PCDH15: variants seen among roughly 807,000 people sequenced by gnomAD.
PCDH15 encodes the protein protocadherin related 15, also known as protocadherin-15.
PCDH15 carries 129 observed loss-of-function variants against 178.5 expected under a neutral mutation model. The observed-to-expected ratio is 0.72, with a 90% confidence interval of 0.63 to 0.84. PCDH15 has a LOEUF of 0.84. Among genes scored for constraint, PCDH15 ranks in the 40% least tolerant of loss-of-function variants. The pLI, the probability that PCDH15 is intolerant of heterozygous loss-of-function variation, is 0.00. For missense variants in PCDH15, 2,230 were observed against 2,099.9 expected, an observed-to-expected ratio of 1.06 and a Z score of -1.21; for synonymous variants, 800 against 732.0, an observed-to-expected ratio of 1.09 and a Z score of -1.50.
At chr10:54,014,592 C>T (rs2135207038) in intron 20 of PCDH15, among the ~76,000 whole-genome samples, 1 of 152,194 alleles carries the variant, frequency 6.6e-6, no homozygotes, top group Non-Finnish European at 1.5e-5. Flanking sequence ...GCCTGGGATG[C>T]AAGGTTGGTT....
chr10:53,829,216 C>A (rs369477923), intron 30 of PCDH15, among the ~76,000 whole-genome samples: 2 of 152,086 alleles, frequency 1.3e-5, no homozygotes, highest in Admixed American at 1.3e-4. Flanking sequence ...GAGAAAAACT[C>A]ATTTTGTTTA....
Position 54,219,104 on chromosome 10 carries a change from A to AAC in PCDH15, c.986-5057_986-5056insGT, listed in dbSNP as rs1564710634. 2.9e-3 allele frequency among the ~76,000 whole-genome samples: 394 copies of AAC among 136,608 alleles called. 6 individuals are homozygous for AAC. Among genetic ancestry groups the AAC allele is most frequent in the African/African-American group, 0.01 (351 of 33,810 alleles). The allele number at this position is 136,608 out of a possible 152,430, so 89.6% of individuals were successfully genotyped here. On this transcript the variant is annotated intron_variant, in intron 9 of 37. Coordinates refer to ENST00000644397, the MANE Select transcript of PCDH15 (RefSeq NM_001384140.1). Reference sequence around the variant, plus strand: ...CTGTCTCTACTAAAAAAAAAAAAAAAAAACAAAAAAAAAACAAAAAATTAG... The same window carrying AAC: ...CTGTCTCTACTAAAAAAAAAAAAAAAACAAACAAAAAAAAAACAAAAAATTAG...
intron 2 of PCDH15, among the ~76,000 whole-genome samples, chr10:54,534,107 C>G (rs1305032952): frequency 6.6e-6 from 1 of 151,986 alleles, no homozygotes. Flanking sequence ...AATGTATAGA[C>G]AGACTAGGCC....
At chr10:55,492,341 C>T (rs1271728146) in intron 2 of PCDH15, among the ~76,000 whole-genome samples, 2 of 151,784 alleles carry the variant, frequency 1.3e-5, no homozygotes, top group African/African-American at 2.4e-5. Flanking sequence ...GGGATTTGGG[C>T]ACAATATTTG....
chr10:55,134,075 T>A (rs549025416), intron 2 of PCDH15, among the ~76,000 whole-genome samples: 2 of 152,290 alleles, frequency 1.3e-5, no homozygotes, highest in African/African-American at 4.8e-5. Context: ...TTCTTAAGAA[T>A]AAAAGCCAAA....
intron 2 of PCDH15, among the ~76,000 whole-genome samples, chr10:55,516,222 G>A (rs915081102): frequency 6.6e-6 from 1 of 151,892 alleles, no homozygotes; most frequent in Non-Finnish European, 1.5e-5. Flanking sequence ...TCATGACACT[G>A]AAAAAAATCT....
At chr10:54,084,840 A>G (rs1441826765) in intron 16 of PCDH15, among the ~76,000 whole-genome samples, 1 of 152,168 alleles carries the variant, frequency 6.6e-6, no homozygotes, top group Non-Finnish European at 1.5e-5. Flanking sequence ...TTACACTTGG[A>G]GGTGTCTGAG....
At chr10:54,437,754 A>G (rs1264176887) in intron 3 of PCDH15, among the ~76,000 whole-genome samples, 2 of 152,200 alleles carry the variant, frequency 1.3e-5, no homozygotes, top group Non-Finnish European at 1.5e-5. Flanking sequence ...CACTGCTTGA[A>G]TATGCAATAT....
rs552136015 is a variant in PCDH15, at chr10:53,852,638, C to T, written c.3806+4537G>A. ...TGTACTGATCTTTGTAAAATCTGCT[C>T]CATTGTAAAATGGATATGTCAGGTC... On this transcript the variant is annotated intron_variant, in intron 28 of 37. Transcript: ENST00000644397. 3.0e-4 allele frequency among the ~76,000 whole-genome samples: 46 copies of T among 152,126 alleles called. No individual in the cohort carries two copies. The South Asian group carries it at 9.5e-3, about 32-fold the overall frequency.
intron 8 of PCDH15, among the ~76,000 whole-genome samples, chr10:54,262,391 G>A (rs952591343): frequency 1.3e-5 from 2 of 152,090 alleles, no homozygotes; most frequent in Non-Finnish European, 2.9e-5. Context: ...GCCTGTCAAC[G>A]CCTTCCCAGA....
At chr10:54,885,454 T>C (rs1954340302) in intron 3 of PCDH15, among the ~76,000 whole-genome samples, 1 of 152,016 alleles carries the variant, frequency 6.6e-6, no homozygotes, top group Admixed American at 6.6e-5. Flanking sequence ...GTTTAGAATT[T>C]TGCTAGCTTT....
intron 2 of PCDH15, among the ~76,000 whole-genome samples, chr10:55,025,738 T>C (rs1050564842): frequency 6.6e-6 from 1 of 152,006 alleles, no homozygotes; most frequent in African/African-American, 2.4e-5. Flanking sequence ...GTTACATAAA[T>C]ATAATATAGT....
Position 53,806,501 on chromosome 10 carries a change from T to G in PCDH15, c.*78A>C, listed in dbSNP as rs1841168439. 8.2e-7 allele frequency: 1 copy of G among 1,223,606 alleles called. No homozygotes were observed. Among genetic ancestry groups the G allele is most frequent in the Non-Finnish European group, 1.1e-6 (1 of 887,918 alleles). The allele number at this position is 1,223,606 out of a possible 1,614,324, so 75.8% of individuals were successfully genotyped here. On this transcript the variant is annotated 3_prime_UTR_variant, in exon 38 of 38. Coordinates refer to ENST00000644397, the MANE Select transcript of PCDH15 (RefSeq NM_001384140.1). ...TGCATGATATAAATTCCATACATTGTTTTCTCAGTGACAATAAAAAGCACA... is the reference window on the plus strand; with the variant it reads ...TGCATGATATAAATTCCATACATTGGTTTCTCAGTGACAATAAAAAGCACA...
chr10:54,842,947 C>T (rs74423996), intron 3 of PCDH15, among the ~76,000 whole-genome samples: 221 of 151,904 alleles, frequency 1.5e-3, no homozygotes, highest in African/African-American at 4.8e-3. Context: ...TAAGTGTCAT[C>T]GTATGTTAAT....
At chr10:54,616,325 G>C (rs922719243) in intron 2 of PCDH15, among the ~76,000 whole-genome samples, 4 of 151,992 alleles carry the variant, frequency 2.6e-5, no homozygotes, top group African/African-American at 9.7e-5. Context: ...ATTTTCTATG[G>C]AAAATTAGGT....
chr10:55,622,162 T>C (rs1837416894), intron 2 of PCDH15, among the ~76,000 whole-genome samples: 2 of 90,288 alleles, frequency 2.2e-5, no homozygotes, highest in African/African-American at 8.3e-5. Flanking sequence ...TAAATATATA[T>C]ATTATATATA....
At chr10:53,925,950 T>C (rs1589451895) in intron 25 of PCDH15, among the ~76,000 whole-genome samples, 1 of 152,358 alleles carries the variant, frequency 6.6e-6, no homozygotes, top group Admixed American at 6.5e-5. Flanking sequence ...TGATTTTTTT[T>C]CAAAACCTAC....
At chr10:55,261,557 C>T (rs1842145195) in intron 1 of PCDH15, among the ~76,000 whole-genome samples, 1 of 152,068 alleles carries the variant, frequency 6.6e-6, no homozygotes, top group Non-Finnish European at 1.5e-5. Context: ...GAAATGTTAA[C>T]CTGTTCATCA....
intron 9 of PCDH15, among the ~76,000 whole-genome samples, chr10:54,222,925 T>C (rs1266425871): frequency 6.6e-6 from 1 of 152,234 alleles, no homozygotes; most frequent in African/African-American, 2.4e-5. Context: ...TTCAGTCTAT[T>C]GTCAGTGCCT....
Sources: allele counts gnomAD v4.1 joint callset (sites outside exome capture counted in the v4.1 genomes callset), GRCh38; gene constraint gnomAD v4.1.1; transcripts MANE v1.5; gene names NCBI Gene and HGNC (gene_info 2026-07-23, HGNC 2026-07-21).